R3HDM1: variants seen among roughly 807,000 people sequenced by gnomAD.
R3HDM1 encodes the protein R3H domain containing 1.
A neutral mutation model predicts 141.1 loss-of-function variants in R3HDM1; 46 were observed. The observed-to-expected ratio is 0.33, with a 90% CI of 0.26 to 0.42. The LOEUF is 0.42. R3HDM1 is among the 10% of genes least tolerant of loss of function. The pLI, the probability that R3HDM1 is intolerant of heterozygous loss-of-function variation, is 1.00. For synonymous variants in R3HDM1, 435 were observed against 472.9 expected (o/e 0.92, Z 1.04); for missense variants, 1,184 against 1,368.3 (o/e 0.87, Z 2.12).
At chr2:135,698,411 A>C (rs988976882) in intron 21 of R3HDM1, among the ~76,000 whole-genome samples, 25 of 152,086 alleles carry the variant, frequency 1.6e-4, no homozygotes, top group Admixed American at 8.5e-4. Flanking sequence ...CGCCCTCCTC[A>C]GCCTCCCAAA....
intron 20 of R3HDM1, among the ~76,000 whole-genome samples, chr2:135,678,308 A>G (rs564936684): frequency 6.6e-6 from 1 of 151,984 alleles, no homozygotes; most frequent in East Asian, 2.0e-4. Flanking sequence ...GAGAACAGTG[A>G]AGTGATTCTA....
intron 21 of R3HDM1, among the ~76,000 whole-genome samples, chr2:135,691,666 C>A (rs1200155184): frequency 1.3e-5 from 2 of 151,556 alleles, no homozygotes; most frequent in Non-Finnish European, 2.9e-5. Flanking sequence ...GGTGGTGGGC[C>A]CCTGTAATTC....
intron 7 of R3HDM1, among the ~76,000 whole-genome samples, chr2:135,630,771 G>T (rs1205410444): frequency 6.6e-6 from 1 of 151,942 alleles, no homozygotes; most frequent in African/African-American, 2.4e-5. Context: ...TGAATGATTT[G>T]TAAAGCTGCT....
At chr2:135,710,009 A>G (rs559227621) in intron 22 of R3HDM1, 50 bp from the exon 23 acceptor site, 22 of 1,542,652 alleles carry the variant, frequency 1.4e-5, no homozygotes, top group African/African-American at 2.7e-5. Flanking sequence ...AGAAACACCA[A>G]CTAGTTGCTA....
At chr2:135,592,660 T>C (rs1480493062) in intron 1 of R3HDM1, among the ~76,000 whole-genome samples, 1 of 152,208 alleles carries the variant, frequency 6.6e-6, no homozygotes, top group East Asian at 1.9e-4. Flanking sequence ...TCCAAACCTT[T>C]TGAATGTTCT....
At chr2:135,709,405 T>C in intron 21 of R3HDM1, 28 bp from the exon 22 acceptor site, 3 of 1,612,234 alleles carry the variant, frequency 1.9e-6, no homozygotes, top group Non-Finnish European at 2.5e-6. Flanking sequence ...CCTCCTCTCA[T>C]TATGCTGTTT....
intron 9 of R3HDM1, among the ~76,000 whole-genome samples, chr2:135,632,723 A>G (rs1383048804): frequency 6.6e-6 from 1 of 152,178 alleles, no homozygotes; most frequent in South Asian, 2.1e-4. Flanking sequence ...GCTGAAATTT[A>G]TATTTTGATG....
chr2:135,564,099 C>T (rs1434601029), intron 1 of R3HDM1, among the ~76,000 whole-genome samples: 3 of 152,172 alleles, frequency 2.0e-5, no homozygotes, highest in Non-Finnish European at 4.4e-5. Flanking sequence ...CCAAACACCA[C>T]CCACCAGGTC....
At chr2:135,576,227 G>A (rs1705386229) in intron 1 of R3HDM1, among the ~76,000 whole-genome samples, 1 of 151,970 alleles carries the variant, frequency 6.6e-6, no homozygotes, top group African/African-American at 2.4e-5. Context: ...GCGAAACCCT[G>A]ACTAAAAAAT....
intron 1 of R3HDM1, among the ~76,000 whole-genome samples, chr2:135,535,380 T>C (rs1462773512): frequency 2.0e-5 from 3 of 151,930 alleles, no homozygotes; most frequent in Non-Finnish European, 2.9e-5. Context: ...GTGCCTGTAG[T>C]CCCAGCTACT....
intron 1 of R3HDM1, among the ~76,000 whole-genome samples, chr2:135,537,473 A>G (rs1200048355): frequency 6.6e-6 from 1 of 150,816 alleles, no homozygotes; most frequent in African/African-American, 2.4e-5. Flanking sequence ...TTTAGTAGAG[A>G]CAGGATTTTG....
At chr2:135,546,040 C>CT (rs1324878550) in intron 1 of R3HDM1, among the ~76,000 whole-genome samples, 2 of 152,186 alleles carry the variant, frequency 1.3e-5, no homozygotes, top group Admixed American at 1.3e-4. Flanking sequence ...GAGGAGATGC[C>CT]TGGCTCATGC....
At chr2:135,684,381 T>G (rs547201275) in intron 21 of R3HDM1, among the ~76,000 whole-genome samples, 47 of 152,004 alleles carry the variant, frequency 3.1e-4, no homozygotes, top group Non-Finnish European at 5.2e-4. Flanking sequence ...GAGCCACCGC[T>G]CCCAGCCGAA....
rs573963879 is a variant in R3HDM1, at chr2:135,676,965, A to G, written c.2307+1479A>G. 3.4e-4 allele frequency among the ~76,000 whole-genome samples: 52 copies of G among 152,308 alleles called. 1 individual carries two copies. The South Asian group carries it at 0.01, about 30-fold the overall frequency. ...CATGTAAACAAATTGGTGATAGTGT[A>G]CAGACTAGTAACTGAGAGGATCATG... On this transcript the variant is annotated intron_variant, in intron 20 of 26. Coordinates refer to ENST00000683871, the MANE Select transcript of R3HDM1 (RefSeq NM_001378107.1).
chr2:135,538,648 C>T (rs953396652), intron 1 of R3HDM1, among the ~76,000 whole-genome samples: 34 of 152,284 alleles, frequency 2.2e-4, no homozygotes, highest in African/African-American at 7.9e-4. Context: ...GCTCTCGTCA[C>T]CATCACCCAG....
intron 24 of R3HDM1, among the ~76,000 whole-genome samples, chr2:135,720,487 C>A (rs1575266992): frequency 1.3e-5 from 2 of 152,276 alleles, no homozygotes; most frequent in East Asian, 3.9e-4. Flanking sequence ...ACACAAAAAC[C>A]TTATTATCCA....
intron 1 of R3HDM1, among the ~76,000 whole-genome samples, chr2:135,550,775 C>G (rs549253211): frequency 6.6e-6 from 1 of 152,162 alleles, no homozygotes; most frequent in African/African-American, 2.4e-5. Context: ...AAAAGTTCAA[C>G]TTTATGCTTG....
rs1163726106 is a variant in R3HDM1 at position 135,631,975 on chromosome 2, A to G, written c.672A>G (p.Ile224Met). 3 of 1,609,976 alleles carry G rather than the reference A, an allele frequency of 1.9e-6. No homozygotes were observed. The highest frequency in any genetic ancestry group is 8.5e-7 in the Non-Finnish European group (1 of 1,177,430). Residue 224 changes from isoleucine (I) to methionine (M), a missense_variant, in exon 9 of 27, where the codon ATA becomes ATG. Transcript: ENST00000683871. ...HNVDQSGKSV[I>M]VNKTSNTRIP... is the part of the protein sequence containing the mutation. ...TTGATCAGAGTGGGAAGTCTGTCATAGTAAACAAAACTAGCAATACAAGAA... is the reference window on the plus strand; with the variant it reads ...TTGATCAGAGTGGGAAGTCTGTCATGGTAAACAAAACTAGCAATACAAGAA...
chr2:135,620,661 C>T, intron 5 of R3HDM1: 1 of 966,892 alleles, frequency 1.0e-6, no homozygotes, highest in Non-Finnish European at 1.2e-6. Context: ...AAATAGGCTA[C>T]ACTTTTATCT....
Sources: allele counts gnomAD v4.1 joint callset (sites outside exome capture counted in the v4.1 genomes callset), GRCh38; gene constraint gnomAD v4.1.1; transcripts MANE v1.5; gene names NCBI Gene and HGNC (gene_info 2026-07-23, HGNC 2026-07-21).